TASP1: variants seen among roughly 807,000 people sequenced by gnomAD.
The protein encoded by TASP1 is threonine aspartase 1.
Under a neutral mutation model 56.6 loss-of-function variants are expected in TASP1, and 16 were observed. The observed-to-expected ratio is 0.28, with a 90% CI of 0.19 to 0.43. TASP1 has a LOEUF of 0.43. Among genes scored for constraint, TASP1 ranks in the 20% least tolerant of loss-of-function variants. The pLI, the probability that TASP1 is intolerant of heterozygous loss-of-function variation, is 1.00. For synonymous variants in TASP1, 179 were observed against 184.2 expected, an observed-to-expected ratio of 0.97 and a Z score of 0.23; for missense variants, 393 against 511.6, an observed-to-expected ratio of 0.77 and a Z score of 2.24.
At chr20:13,246,675 A>G in the TASP1 span, among the ~76,000 whole-genome samples, 1 of 152,250 alleles carries the variant, frequency 6.6e-6, no homozygotes, top group Non-Finnish European at 1.5e-5. Context: ...GGACAATGGC[A>G]AAGCCATGAT....
At chr20:13,464,850 C>T (rs1036062706) in intron 11 of TASP1, among the ~76,000 whole-genome samples, 2 of 151,882 alleles carry the variant, frequency 1.3e-5, no homozygotes, top group Non-Finnish European at 2.9e-5. Flanking sequence ...GATGCTTAAC[C>T]CTACAGAACT....
At chr20:13,529,580 A>T (rs1568550097) in intron 9 of TASP1, among the ~76,000 whole-genome samples, 1 of 152,194 alleles carries the variant, frequency 6.6e-6, no homozygotes, top group African/African-American at 2.4e-5. Context: ...TAAAAGAATT[A>T]AGCTTTTTAA....
chr20:13,137,529 C>A, the TASP1 span, among the ~76,000 whole-genome samples: 2 of 151,602 alleles, frequency 1.3e-5, no homozygotes, highest in African/African-American at 4.9e-5. Flanking sequence ...GATGATATTC[C>A]CTATTCTAAA....
the TASP1 span, among the ~76,000 whole-genome samples, chr20:13,127,510 C>T: frequency 1.3e-5 from 2 of 152,344 alleles, no homozygotes; most frequent in South Asian, 4.1e-4. Context: ...TGCAATGCTT[C>T]AAGCCTGCTA....
the TASP1 span, among the ~76,000 whole-genome samples, chr20:13,341,332 A>G: frequency 1.3e-5 from 2 of 152,224 alleles, no homozygotes; most frequent in East Asian, 1.9e-4. Context: ...TTTTAAATAT[A>G]TGAACCGATG....
chr20:13,291,281 G>T, the TASP1 span, among the ~76,000 whole-genome samples: 9 of 152,032 alleles, frequency 5.9e-5, no homozygotes, highest in African/African-American at 2.2e-4. Context: ...GCTTTTCTGG[G>T]CTCCCTTGTA....
chr20:13,152,440 C>T, the TASP1 span, among the ~76,000 whole-genome samples: 8 of 152,104 alleles, frequency 5.3e-5, no homozygotes, highest in African/African-American at 1.7e-4. Flanking sequence ...ACAGCAGGGA[C>T]GTCCAAAAAA....
intron 13 of TASP1, among the ~76,000 whole-genome samples, chr20:13,403,281 T>A (rs1290480869): frequency 6.6e-6 from 1 of 152,194 alleles, no homozygotes. Context: ...ACCATTACCA[T>A]TTCCACCAAA....
intron 10 of TASP1, among the ~76,000 whole-genome samples, chr20:13,524,737 T>C (rs1322062266): frequency 6.6e-6 from 1 of 152,162 alleles, no homozygotes; most frequent in Non-Finnish European, 1.5e-5. Context: ...AACTGATGCA[T>C]CCTCCCATGT....
At chr20:13,403,042 G>T (rs1223844989) in intron 13 of TASP1, among the ~76,000 whole-genome samples, 2 of 152,188 alleles carry the variant, frequency 1.3e-5, no homozygotes, top group Non-Finnish European at 2.9e-5. Flanking sequence ...TGTCAAAGTG[G>T]TAGACCTCTA....
intron 9 of TASP1, 85 bp downstream of exon 9, chr20:13,533,937 A>G: frequency 6.9e-7 from 1 of 1,454,716 alleles, no homozygotes; most frequent in Admixed American, 2.3e-5. Context: ...TAAAGAAAAA[A>G]TGTTCCCACT....
At chr20:13,467,631 T>A (rs186402289) in intron 11 of TASP1, among the ~76,000 whole-genome samples, 151 of 152,258 alleles carry the variant, frequency 9.9e-4, no homozygotes, top group Non-Finnish European at 1.6e-3. Flanking sequence ...TATAAGAAGT[T>A]CTTTGGAACA....
the TASP1 span, among the ~76,000 whole-genome samples, chr20:13,107,470 C>T: frequency 3.3e-5 from 5 of 152,120 alleles, no homozygotes; most frequent in African/African-American, 1.2e-4. Flanking sequence ...GTGTCAAATG[C>T]TGCCCACGGT....
chr20:13,351,097 C>A, the TASP1 span, among the ~76,000 whole-genome samples: 5 of 152,046 alleles, frequency 3.3e-5, no homozygotes. Context: ...ACATCATTAC[C>A]TATTAAGGAA....
chr20:13,378,731 A>G, the TASP1 span, among the ~76,000 whole-genome samples: 5 of 152,000 alleles, frequency 3.3e-5, no homozygotes, highest in Non-Finnish European at 7.4e-5. Flanking sequence ...AGGTCTCTAG[A>G]ACTTACTTTA....
the TASP1 span, among the ~76,000 whole-genome samples, chr20:13,379,236 T>C: frequency 6.6e-6 from 1 of 152,234 alleles, no homozygotes; most frequent in African/African-American, 2.4e-5. Context: ...CCATATTTAG[T>C]GCTTGCTTCA....
the TASP1 span, among the ~76,000 whole-genome samples, chr20:13,309,789 T>C: frequency 6.6e-6 from 1 of 152,086 alleles, no homozygotes; most frequent in Non-Finnish European, 1.5e-5. Context: ...CAGCAATGTT[T>C]CTATAAGCAA....
At chr20:13,333,799 CACTT>C in the TASP1 span, among the ~76,000 whole-genome samples, 38 of 152,220 alleles carry the variant, frequency 2.5e-4, no homozygotes, top group Non-Finnish European at 3.4e-4. Context: ...ATGCATCACA[CACTT>C]ACTTTCCTCC....
At chr20:13,110,314 C>A in the TASP1 span, 1 of 1,032,356 alleles carries the variant, frequency 9.7e-7, no homozygotes, top group Non-Finnish European at 1.4e-6. Context: ...AGAGAAATGA[C>A]TTAGAATTGG....
Sources: gnomAD v4.1 joint callset for allele counts (sites outside exome capture counted in the v4.1 genomes callset) on GRCh38, gnomAD v4.1.1 for gene constraint, MANE v1.5 for transcripts, NCBI Gene and HGNC (gene_info 2026-07-23, HGNC 2026-07-21) for gene names.